Variants in DEK observed in about 807,000 individuals in gnomAD.
DEK encodes DEK proto-oncogene, also known as protein DEK.
Under a neutral mutation model 46.8 loss-of-function variants are expected in DEK, and 28 were observed. That is an observed-to-expected ratio of 0.60 (90% confidence interval 0.44 to 0.82). The LOEUF (loss-of-function observed/expected upper bound fraction) is 0.82, where lower values mean the gene tolerates loss of function less well. Ranked by LOEUF, DEK falls within the 40% of genes least tolerant of loss-of-function variation. The pLI is 0.00. For missense variants in DEK, 416 were observed against 430.6 expected (o/e 0.97, Z 0.30); for synonymous variants, 160 against 144.5 (o/e 1.11, Z -0.77).
intron 8 of DEK, among the ~76,000 whole-genome samples, chr6:18,236,812 G>A (rs1790670494): frequency 1.3e-5 from 2 of 152,198 alleles, no homozygotes; most frequent in Non-Finnish European, 1.5e-5. Context: ...ATACAGGTTA[G>A]GCATCCCTAA....
At position 18,237,503 on chromosome 6, in the gene DEK, G is replaced by A. The variant is rs1790708452; in HGVS notation, c.776C>T (p.Thr259Ile). Residue 259 changes from threonine (T) to isoleucine (I), a missense_variant, in exon 8 of 11, where the codon ACA (threonine) becomes ATA (isoleucine). Coordinates refer to ENST00000652689, the MANE Select transcript of DEK (RefSeq NM_003472.4). ...KESEEEPPKK[T>I]AKREKPKQKA... ...CTGTTTAGGTTTTTCTCTTTTGGCT[G>A]TCTTTTTTGGTGGCTGTTACAAAAG... 6.3e-7 allele frequency: 1 copy of A among 1,597,862 alleles called. No individual in the cohort carries two copies.
At chr6:18,259,729 T>C (rs562415522) in intron 2 of DEK, among the ~76,000 whole-genome samples, 2 of 152,286 alleles carry the variant, frequency 1.3e-5, no homozygotes, top group South Asian at 2.1e-4. Context: ...AATAAATTGC[T>C]GTGCACTGAG....
chr6:18,259,420 A>AT (rs1582299281), intron 2 of DEK, among the ~76,000 whole-genome samples: 9 of 148,240 alleles, frequency 6.1e-5, no homozygotes, highest in African/African-American at 7.5e-5. Context: ...AAAAAAAAAA[A>AT]AAAAAAAAAA....
chr6:18,228,589 G>A (rs746740363), intron 9 of DEK, among the ~76,000 whole-genome samples: 9 of 152,198 alleles, frequency 5.9e-5, no homozygotes, highest in Non-Finnish European at 1.3e-4. Context: ...GCCTCACCTG[G>A]GAAGCGCAAG....
intron 2 of DEK, among the ~76,000 whole-genome samples, chr6:18,260,044 T>C (rs906912289): frequency 4.6e-5 from 7 of 152,208 alleles, no homozygotes; most frequent in African/African-American, 1.7e-4. Context: ...GAGATTCATA[T>C]TAACTAATAT....
At chr6:18,239,448 G>GCA (rs1790813314) in intron 7 of DEK, among the ~76,000 whole-genome samples, 1 of 148,986 alleles carries the variant, frequency 6.7e-6, no homozygotes, top group Non-Finnish European at 1.5e-5. Context: ...GGGACTACAG[G>GCA]CACACACCAC....
intron 7 of DEK, 61 bp downstream of exon 7, chr6:18,249,590 C>T: frequency 6.9e-7 from 1 of 1,447,910 alleles, no homozygotes; most frequent in Non-Finnish European, 9.1e-7. Context: ...TACCTTATAG[C>T]AGAAATATTT....
chr6:18,225,954 C>T (rs1199860640), intron 10 of DEK: 3 of 686,158 alleles, frequency 4.4e-6, no homozygotes, highest in African/African-American at 1.8e-5. Flanking sequence ...ACCATGAGGC[C>T]ACATCATAAT....
intron 7 of DEK, among the ~76,000 whole-genome samples, chr6:18,238,311 C>T (rs563141604): frequency 6.6e-6 from 1 of 152,270 alleles, no homozygotes; most frequent in South Asian, 2.1e-4. Context: ...AATAAACATG[C>T]AAGATTCAAA....
intron 7 of DEK, among the ~76,000 whole-genome samples, chr6:18,238,188 A>C (rs1790747571): frequency 6.6e-6 from 1 of 151,962 alleles, no homozygotes; most frequent in Non-Finnish European, 1.5e-5. Context: ...GTGTTCACTG[A>C]TGTTTCCCTA....
In DEK at chr6:18,231,468, G is replaced by A. The variant is rs563658107; in HGVS notation, c.1047+4984C>T. Among the ~76,000 whole-genome samples the A allele has an allele frequency of 1.7e-3, 252 of 152,130 alleles. 1 individual carries two copies. The highest frequency in any genetic ancestry group is 5.5e-3 in the African/African-American group (228 of 41,498). ...AAAAGATCAATAAAATTGATAGACC[G>A]CTAGCAAGACTAATAAGAAAAGAGA... On this transcript the variant is annotated intron_variant, in intron 9 of 10. Transcript: ENST00000652689.
At chr6:18,232,387 T>C (rs1190970701) in intron 9 of DEK, among the ~76,000 whole-genome samples, 2 of 151,982 alleles carry the variant, frequency 1.3e-5, no homozygotes, top group Admixed American at 1.3e-4. Flanking sequence ...AGAAAGAAAA[T>C]AAAGGGTATT....
intron 7 of DEK, among the ~76,000 whole-genome samples, chr6:18,246,058 A>G (rs1383989710): frequency 2.6e-5 from 4 of 152,232 alleles, no homozygotes; most frequent in Admixed American, 2.0e-4. Flanking sequence ...TGAGTCAACT[A>G]AACTCCTTTA....
In DEK at chr6:18,237,529, A is replaced by G. The variant is rs756779735; in HGVS notation, c.763-13T>C. ...TCTTTTTTGGTGGCTGTTACAAAAG[A>G]AAGTAAAAGTACACATATTGATGAG... On this transcript the variant is annotated splice_polypyrimidine_tract_variant and intron_variant, in intron 7 of 10. Transcript: ENST00000652689. The G allele has an allele frequency of 6.3e-7, 1 of 1,596,838 alleles. No homozygotes were observed. The highest frequency in any genetic ancestry group is 2.2e-5 in the East Asian group (1 of 44,674).
intron 7 of DEK, among the ~76,000 whole-genome samples, chr6:18,240,045 G>C (rs899462901): frequency 6.6e-6 from 1 of 152,146 alleles, no homozygotes; most frequent in Non-Finnish European, 1.5e-5. Context: ...ATTCAAATTA[G>C]AAAATCAGAA....
chr6:18,254,286 G>T (rs1791512145), intron 6 of DEK, among the ~76,000 whole-genome samples: 1 of 152,122 alleles, frequency 6.6e-6, no homozygotes, highest in African/African-American at 2.4e-5. Context: ...AGCAGAGATT[G>T]TGCCACTGCA....
At chr6:18,236,097 G>T (rs1467576075) in intron 9 of DEK, among the ~76,000 whole-genome samples, 1 of 152,150 alleles carries the variant, frequency 6.6e-6, no homozygotes, top group Admixed American at 6.5e-5. Flanking sequence ...ACTAAGAAGA[G>T]AATAAGACGG....
intron 7 of DEK, among the ~76,000 whole-genome samples, chr6:18,245,026 C>G (rs1273120967): frequency 6.6e-6 from 1 of 152,186 alleles, no homozygotes; most frequent in Non-Finnish European, 1.5e-5. Flanking sequence ...CACTTTTGAT[C>G]TGCCTTCCTC....
intron 7 of DEK, among the ~76,000 whole-genome samples, chr6:18,238,595 G>A (rs1383692406): frequency 6.6e-6 from 1 of 151,514 alleles, no homozygotes; most frequent in Non-Finnish European, 1.5e-5. Context: ...TACTCAGGAG[G>A]CTGAGGCAAG....
Sources: allele counts gnomAD v4.1 joint callset (sites outside exome capture counted in the v4.1 genomes callset), GRCh38; gene constraint gnomAD v4.1.1; transcripts MANE v1.5; gene names NCBI Gene and HGNC (gene_info 2026-07-23, HGNC 2026-07-21).